The following PFDN1 variants were observed in gnomAD, a reference collection of about 807,000 sequenced individuals.
The protein encoded by PFDN1 is prefoldin subunit 1.
Under a neutral mutation model 17.3 loss-of-function variants are expected in PFDN1, and 6 were observed. The observed-to-expected ratio is 0.35, with a 90% CI of 0.19 to 0.69. The LOEUF (loss-of-function observed/expected upper bound fraction) is 0.69, where lower values mean the gene tolerates loss of function less well. PFDN1 is among the 30% of genes least tolerant of loss of function. The pLI, the probability that PFDN1 is intolerant of heterozygous loss-of-function variation, is 0.65. For missense variants in PFDN1, 113 were observed against 146.2 expected, an observed-to-expected ratio of 0.77 and a Z score of 1.17; for synonymous variants, 58 against 50.1, an observed-to-expected ratio of 1.16 and a Z score of -0.67.
chr5:140,288,820 A>C (rs1026555492), intron 2 of PFDN1, among the ~76,000 whole-genome samples: 2 of 152,024 alleles, frequency 1.3e-5, no homozygotes, highest in East Asian at 3.9e-4. Flanking sequence ...CTCCGTCTCT[A>C]CTAAAAATAA....
chr5:140,263,114 A>G (rs1165796394), intron 3 of PFDN1, among the ~76,000 whole-genome samples: 2 of 152,258 alleles, frequency 1.3e-5, no homozygotes, highest in Non-Finnish European at 2.9e-5. Flanking sequence ...AATTAGTTAT[A>G]GTCCCGGCCT....
rs1765679400 is a variant in PFDN1, at chr5:140,298,026, C to A, written c.200+2390G>T. ...TATCCTGTAGTGAATGCCAACAATG[C>A]ATTTCATACTACACAGACACATATT... On this transcript the variant is annotated intron_variant, in intron 2 of 3. Coordinates refer to ENST00000261813, the MANE Select transcript of PFDN1 (RefSeq NM_002622.5). 6.6e-5 allele frequency among the ~76,000 whole-genome samples: 10 copies of A among 152,300 alleles called. No homozygotes were observed. In the South Asian group the frequency reaches 2.1e-3, roughly 32 times the overall value.
At position 140,245,969 on chromosome 5, in the gene PFDN1, G is replaced by C; in HGVS notation, c.*5C>G. 1 of 1,531,448 alleles carries C rather than the reference G, an allele frequency of 6.5e-7. No individual in the cohort carries two copies. The highest frequency in any genetic ancestry group is 8.9e-7 in the Non-Finnish European group (1 of 1,127,130). The allele number at this position is 1,531,448 out of a possible 1,614,324, so 94.9% of individuals were successfully genotyped here. On this transcript the variant is annotated 3_prime_UTR_variant, in exon 4 of 4. Coordinates refer to ENST00000261813, the MANE Select transcript of PFDN1 (RefSeq NM_002622.5). The stretch of plus-strand genomic sequence containing the variant: ...GCAGGAGGAAGAGCTTCCCAGAGAG[G>C]CTCCCTACTGGGCCCTTCGTGCCAT...
At chr5:140,256,658 C>CAA (rs757723797) in intron 3 of PFDN1, among the ~76,000 whole-genome samples, 13,957 of 39,314 alleles carry the variant, frequency 0.36, 2,794 homozygotes, top group South Asian at 0.63. Context: ...CAAAAAATGA[C>CAA]AAAAAAAAAA....
At chr5:140,272,654 G>A (rs1350595382) in intron 3 of PFDN1, among the ~76,000 whole-genome samples, 9 of 152,082 alleles carry the variant, frequency 5.9e-5, no homozygotes, top group African/African-American at 1.4e-4. Context: ...CACCATGCCC[G>A]GCTGTAAAAC....
chr5:140,276,024 A>C (rs1217955737), intron 3 of PFDN1, among the ~76,000 whole-genome samples: 16 of 98,988 alleles, frequency 1.6e-4, no homozygotes, highest in African/African-American at 5.0e-4. Context: ...ATTGATGATG[A>C]TGATGATGAT....
Position 140,245,892 on chromosome 5 carries a change from G to A in PFDN1, c.*82C>T, listed in dbSNP as rs1019830309. ...AAATAAAGCATCCATCGGGGCAGAG[G>A]AGAAGCTGTTTCCCTGCAGACACTC... On this transcript the variant is annotated 3_prime_UTR_variant, in exon 4 of 4. Coordinates refer to ENST00000261813, the MANE Select transcript of PFDN1 (RefSeq NM_002622.5). 2.2e-5 allele frequency: 17 copies of A among 777,248 alleles called. No individual in the cohort carries two copies. The highest frequency in any genetic ancestry group is 3.8e-5 in the Non-Finnish European group (17 of 445,200). The allele number at this position is 777,248 out of a possible 1,614,324, so 48.1% of individuals were successfully genotyped here. A position where few individuals can be genotyped will look rare whatever the true frequency, so the allele number is the denominator to read the frequency against.
rs760424912 is a variant in PFDN1 at position 140,281,247 on chromosome 5, A to C, written c.285+202T>G. ...TCAAAATTCTCTGCAGTTCCAAAGA[A>C]GAGACTATTCTTTTTTTTTTGTTTT... On this transcript the variant is annotated intron_variant, in intron 3 of 3. Transcript: ENST00000261813. The C allele has an allele frequency of 1.4e-4, 63 of 442,438 alleles. 1 individual carries two copies. Among genetic ancestry groups the C allele is most frequent in the Non-Finnish European group, 2.3e-4 (57 of 248,870 alleles). 27.4% of individuals were successfully genotyped at this position (442,438 alleles called of 1,614,324 possible).
intron 3 of PFDN1, among the ~76,000 whole-genome samples, chr5:140,265,160 A>G (rs1317156715): frequency 1.3e-5 from 2 of 152,082 alleles, no homozygotes; most frequent in Non-Finnish European, 2.9e-5. Context: ...ACTCAGGTCT[A>G]ACAGAACTGA....
chr5:140,265,133 C>CA (rs1268537278), intron 3 of PFDN1, among the ~76,000 whole-genome samples: 1 of 152,104 alleles, frequency 6.6e-6, no homozygotes, highest in African/African-American at 2.4e-5. Context: ...GTGTTGTCCA[C>CA]ATACAGAGCA....
In PFDN1 at chr5:140,245,576, G is replaced by A. The variant is rs182157286; in HGVS notation, c.*398C>T. 935 of 702,464 alleles carry A rather than the reference G, an allele frequency of 1.3e-3. 6 individuals are homozygous for A. The African/African-American group carries it at 0.014, about 11-fold the overall frequency. 43.5% of individuals were successfully genotyped at this position (702,464 alleles called of 1,614,324 possible). On this transcript the variant is annotated 3_prime_UTR_variant, in exon 4 of 4. Coordinates refer to ENST00000261813, the MANE Select transcript of PFDN1 (RefSeq NM_002622.5). Reference sequence around the variant, plus strand: ...GGGAGCAGGAGCTGAGGTGGAGACGGCCACTGCCTCTCTCACCCTCTGTTC... The same window carrying A: ...GGGAGCAGGAGCTGAGGTGGAGACGACCACTGCCTCTCTCACCCTCTGTTC...
intron 3 of PFDN1, among the ~76,000 whole-genome samples, chr5:140,264,020 CAAAAAAAAAAAAAAAAAAAA>C (rs58605224): frequency 1.7e-3 from 96 of 55,578 alleles, no homozygotes; most frequent in African/African-American, 5.5e-3. Context: ...GACTCCATCT[CAAAAAAAAAAAAAAAAAAAA>C]AAAAAAAAAA....
chr5:140,248,817 CAAT>C (rs1055254870), intron 3 of PFDN1, among the ~76,000 whole-genome samples: 4 of 152,192 alleles, frequency 2.6e-5, no homozygotes, highest in African/African-American at 9.7e-5. Flanking sequence ...GGTTTCCAAA[CAAT>C]GATGCAAATT....
At chr5:140,253,895 T>G (rs568141005) in intron 3 of PFDN1, among the ~76,000 whole-genome samples, 1 of 152,336 alleles carries the variant, frequency 6.6e-6, no homozygotes, top group East Asian at 1.9e-4. Context: ...CATATTCTTA[T>G]GCCTCGACCC....
intron 3 of PFDN1, among the ~76,000 whole-genome samples, chr5:140,274,984 C>T (rs1278439505): frequency 7.3e-6 from 1 of 136,318 alleles, no homozygotes; most frequent in Non-Finnish European, 1.5e-5. Context: ...CAAAGCAAGA[C>T]TTCATCTCAA....
Position 140,303,065 on chromosome 5 carries a change from G to A in PFDN1, c.9C>T (p.Ala3=), listed in dbSNP as rs1378345153. The change falls in exon 1 of 4, where the codon GCC becomes GCT. Residue 3 remains alanine, a synonymous_variant. Transcript: ENST00000261813. The part of the protein sequence containing the change: MA[A]PVDLELKKAF... ...CCTTCTTCAGCTCTAGATCCACGGG[G>A]GCGGCCATCTTGGTGCACTGTAAGC... 1 of 1,613,056 alleles carries A rather than the reference G, an allele frequency of 6.2e-7. No individual in the cohort carries two copies. Among genetic ancestry groups the A allele is most frequent in the African/African-American group, 1.3e-5 (1 of 75,030 alleles).
chr5:140,277,771 C>T (rs970036582), intron 3 of PFDN1, among the ~76,000 whole-genome samples: 8 of 151,530 alleles, frequency 5.3e-5, no homozygotes, highest in African/African-American at 1.9e-4. Context: ...CACCTAAACA[C>T]ATCCCAGAGA....
chr5:140,278,539 C>T (rs137916575), intron 3 of PFDN1, among the ~76,000 whole-genome samples: 284 of 102,764 alleles, frequency 2.8e-3, no homozygotes, highest in African/African-American at 0.01. Flanking sequence ...CAGCCTGGGA[C>T]AGAATGAGAC....
At chr5:140,286,367 G>A (rs1217532967) in intron 2 of PFDN1, among the ~76,000 whole-genome samples, 4 of 137,080 alleles carry the variant, frequency 2.9e-5, no homozygotes, top group Non-Finnish European at 4.6e-5. Context: ...AGCCAAGATC[G>A]TACCATTGCA....
Sources: gnomAD v4.1 joint callset for allele counts (sites outside exome capture counted in the v4.1 genomes callset) on GRCh38, gnomAD v4.1.1 for gene constraint, MANE v1.5 for transcripts, NCBI Gene and HGNC (gene_info 2026-07-23, HGNC 2026-07-21) for gene names.